The following R3HDM2 variants were observed in gnomAD, a reference collection of about 807,000 sequenced individuals.
R3HDM2 encodes R3H domain-containing protein 2.
In R3HDM2, 38 loss-of-function variants were observed where a neutral mutation model predicts 124.5. The ratio of observed to expected loss-of-function variants is 0.31; its 90% CI spans 0.24 to 0.40. The LOEUF is 0.40. R3HDM2 is among the 10% of genes least tolerant of loss of function. The probability of loss-of-function intolerance (pLI) is 1.00; values close to 1 mark genes in which losing one functional copy is unlikely to be tolerated. For missense variants in R3HDM2, 869 were observed against 1,236.9 expected, an observed-to-expected ratio of 0.70 and a Z score of 4.46; for synonymous variants, 391 against 448.0, an observed-to-expected ratio of 0.87 and a Z score of 1.61.
At chr12:57,367,587 C>T (rs1013863163) in intron 2 of R3HDM2, among the ~76,000 whole-genome samples, 1 of 152,192 alleles carries the variant, frequency 6.6e-6, no homozygotes, top group African/African-American at 2.4e-5. Context: ...TCCCTCCCAA[C>T]CCTAGTTTCA....
chr12:57,429,658 A>C (rs1296261187), intron 1 of R3HDM2, among the ~76,000 whole-genome samples: 1 of 151,676 alleles, frequency 6.6e-6, no homozygotes, highest in Non-Finnish European at 1.5e-5. Flanking sequence ...GGTTGCATTG[A>C]GCCGAAAAGG....
chr12:57,277,440 G>T (rs1234435364), intron 14 of R3HDM2, among the ~76,000 whole-genome samples: 1 of 150,452 alleles, frequency 6.6e-6, no homozygotes, highest in South Asian at 2.1e-4. Flanking sequence ...CTTCCTCAAA[G>T]ATTTTTTTTT....
At position 57,255,085 on chromosome 12, in the gene R3HDM2, A is replaced by C; in HGVS notation, c.2661T>G (p.Asp887Glu). 3.1e-6 allele frequency: 5 copies of C among 1,602,548 alleles called. No homozygotes were observed. The highest frequency in any genetic ancestry group is 4.3e-6 in the Non-Finnish European group (5 of 1,173,496). Reference sequence around the variant, plus strand: ...CAGTACGGGTGATGCCCTCAGGGAGATCTGTCACCTCCAGCACCCGCCCCA... The same window carrying C: ...CAGTACGGGTGATGCCCTCAGGGAGCTCTGTCACCTCCAGCACCCGCCCCA... ...VVLGRVLEVT[D>E]LPEGITRTEA... The change falls in exon 24 of 24, where the codon GAT (aspartate) becomes GAG (glutamate). Residue 887 changes from aspartate to glutamate, a missense_variant. Transcript: ENST00000402412.
At chr12:57,430,243 G>A (rs1341627115) in intron 1 of R3HDM2, among the ~76,000 whole-genome samples, 1 of 152,046 alleles carries the variant, frequency 6.6e-6, no homozygotes, top group Non-Finnish European at 1.5e-5. Flanking sequence ...CTTAGTGTAG[G>A]CCCAAGTTTT....
intron 2 of R3HDM2, among the ~76,000 whole-genome samples, chr12:57,317,529 G>C (rs552951377): frequency 1.6e-4 from 25 of 151,618 alleles, no homozygotes; most frequent in Admixed American, 7.2e-4. Flanking sequence ...AGTCAATCTC[G>C]ACCCTCCCTA....
intron 19 of R3HDM2, among the ~76,000 whole-genome samples, chr12:57,264,821 G>C (rs532150681): frequency 6.6e-6 from 1 of 152,178 alleles, no homozygotes; most frequent in African/African-American, 2.4e-5. Flanking sequence ...ATTTTTTGTA[G>C]AGATAGGGTC....
chr12:57,337,719 TA>T (rs1402420864), intron 2 of R3HDM2, among the ~76,000 whole-genome samples: 1 of 152,178 alleles, frequency 6.6e-6, no homozygotes, highest in African/African-American at 2.4e-5. Flanking sequence ...GCATATTTAT[TA>T]ATCTCAGAAG....
intron 2 of R3HDM2, among the ~76,000 whole-genome samples, chr12:57,332,245 A>T (rs2058289902): frequency 1.3e-5 from 2 of 151,416 alleles, no homozygotes; most frequent in African/African-American, 4.9e-5. Context: ...CCCTGTCTCT[A>T]CAAAAATAAA....
intron 2 of R3HDM2, among the ~76,000 whole-genome samples, chr12:57,311,190 CAAAGCTT>C (rs946181828): frequency 2.0e-5 from 3 of 151,952 alleles, no homozygotes; most frequent in African/African-American, 7.3e-5. Context: ...TAAAATCAGA[CAAAGCTT>C]AAATGGTTAT....
intron 5 of R3HDM2, 99 bp downstream of exon 5, chr12:57,299,996 C>G: frequency 2.2e-6 from 2 of 913,472 alleles, no homozygotes; most frequent in South Asian, 2.9e-5. Context: ...GTACCTTCTA[C>G]CCTGATTTTC....
chr12:57,371,082 A>ATTTTTTTTTTTTTT (rs1491062795), intron 2 of R3HDM2, among the ~76,000 whole-genome samples: 1 of 50,806 alleles, frequency 2.0e-5, no homozygotes, highest in Non-Finnish European at 4.1e-5. Context: ...ATATACCATT[A>ATTTTTTTTTTTTTT]CTTTTTTTTT....
At chr12:57,317,664 T>C (rs1013917083) in intron 2 of R3HDM2, among the ~76,000 whole-genome samples, 1 of 60,216 alleles carries the variant, frequency 1.7e-5, no homozygotes, top group South Asian at 5.5e-4. Context: ...ATTAAGAAGA[T>C]AGTTAAAAAA....
intron 21 of R3HDM2, 109 bp downstream of exon 21, chr12:57,257,881 G>A: frequency 5.8e-6 from 7 of 1,203,052 alleles, no homozygotes; most frequent in Non-Finnish European, 7.6e-6. Context: ...CCCAGAATTG[G>A]ATCATCTACA....
At chr12:57,412,309 A>G (rs200877172) in intron 1 of R3HDM2, among the ~76,000 whole-genome samples, 6 of 151,734 alleles carry the variant, frequency 4.0e-5, no homozygotes, top group East Asian at 2.0e-4. Context: ...TGGGAGGCCA[A>G]GGGGGGCGAA....
At chr12:57,391,291 G>C (rs751395748) in intron 2 of R3HDM2, among the ~76,000 whole-genome samples, 18 of 152,128 alleles carry the variant, frequency 1.2e-4, no homozygotes, top group Admixed American at 1.2e-3. Flanking sequence ...TAACAACTTT[G>C]ATGAATCTCC....
At chr12:57,413,374 G>A (rs557411409) in intron 1 of R3HDM2, among the ~76,000 whole-genome samples, 42 of 148,326 alleles carry the variant, frequency 2.8e-4, no homozygotes, top group Non-Finnish European at 5.2e-4. Context: ...TGGGAGAATC[G>A]CTTGAGCCCA....
chr12:57,394,246 G>A (rs1227512533), intron 2 of R3HDM2, among the ~76,000 whole-genome samples: 3 of 151,682 alleles, frequency 2.0e-5, no homozygotes, highest in South Asian at 2.1e-4. Flanking sequence ...AAAGTGAGCC[G>A]AGATCGCGCC....
At chr12:57,331,432 A>G (rs2058177942) in intron 2 of R3HDM2, among the ~76,000 whole-genome samples, 1 of 152,154 alleles carries the variant, frequency 6.6e-6, no homozygotes, top group African/African-American at 2.4e-5. Flanking sequence ...TTGTCAAACT[A>G]TCAATTTATT....
rs1474789623 is a variant in R3HDM2 at position 57,269,454 on chromosome 12, G to C, written c.1588-5C>G. 1 of 1,613,718 alleles carries C rather than the reference G, an allele frequency of 6.2e-7. No homozygotes were observed. Among genetic ancestry groups the C allele is most frequent in the African/African-American group, 1.3e-5 (1 of 74,884 alleles). ...GGGATAGTAAGAAACCTGGATCTAT[G>C]GTGAGAGGAGACAGATGTGTGAGAA... On this transcript the variant is annotated splice_polypyrimidine_tract_variant and splice_region_variant and intron_variant, in intron 15 of 23. Coordinates refer to ENST00000402412, the MANE Select transcript of R3HDM2 (RefSeq NM_001394031.1).
Sources: allele counts gnomAD v4.1 joint callset (sites outside exome capture counted in the v4.1 genomes callset), GRCh38; gene constraint gnomAD v4.1.1; transcripts MANE v1.5; gene names NCBI Gene and HGNC (gene_info 2026-07-23, HGNC 2026-07-21).